Variants in WDR70 observed in about 807,000 individuals in gnomAD.
WDR70 encodes WD repeat-containing protein 70.
Under a neutral mutation model 88.6 loss-of-function variants are expected in WDR70, and 53 were observed. That is an observed-to-expected ratio of 0.60 (90% CI 0.48 to 0.75). The LOEUF (loss-of-function observed/expected upper bound fraction) is 0.75. Ranked by LOEUF, WDR70 falls within the 30% of genes least tolerant of loss-of-function variation. WDR70 has a pLI of 0.00. For synonymous variants in WDR70, 280 were observed against 270.0 expected, an observed-to-expected ratio of 1.04 and a Z score of -0.36; for missense variants, 610 against 823.2, an observed-to-expected ratio of 0.74 and a Z score of 3.17.
intron 17 of WDR70, among the ~76,000 whole-genome samples, chr5:37,734,656 G>A (rs185896802): frequency 4.6e-5 from 7 of 152,168 alleles, no homozygotes; most frequent in Middle Eastern, 3.4e-3. Context: ...GAGAAAAGGC[G>A]CTATTTTAGA....
intron 9 of WDR70, among the ~76,000 whole-genome samples, chr5:37,597,313 A>G (rs1471923688): frequency 6.6e-6 from 1 of 152,180 alleles, no homozygotes; most frequent in African/African-American, 2.4e-5. Context: ...CCCACAATCA[A>G]TGTATGCACA....
Position 37,722,764 on chromosome 5 carries a change from G to T in WDR70, c.1518-91G>T. ...TGTGTAGATGGAGTGCATGCACAGA[G>T]TATGTTCCTGAAAGTATCTCATGTT... On this transcript the variant is annotated intron_variant, in intron 14 of 17. Transcript: ENST00000265107. 2.5e-6 allele frequency: 3 copies of T among 1,183,346 alleles called. No individual in the cohort carries two copies. The East Asian group carries it at 7.5e-5, about 30-fold the overall frequency. The allele number at this position is 1,183,346 out of a possible 1,614,324, so 73.3% of individuals were successfully genotyped here.
At chr5:37,746,949 G>A (rs1384263400) in intron 17 of WDR70, among the ~76,000 whole-genome samples, 1 of 152,078 alleles carries the variant, frequency 6.6e-6, no homozygotes, top group Admixed American at 6.6e-5. Context: ...ACCAAAACCA[G>A]GAAGAGAAAC....
chr5:37,470,582 A>G (rs745538646), intron 7 of WDR70, among the ~76,000 whole-genome samples: 106 of 152,184 alleles, frequency 7.0e-4, no homozygotes, highest in Admixed American at 4.3e-3. Context: ...TAAATACAGC[A>G]TATATTGTTT....
chr5:37,622,378 C>G (rs1744531731), intron 10 of WDR70, among the ~76,000 whole-genome samples: 1 of 151,630 alleles, frequency 6.6e-6, no homozygotes, highest in African/African-American at 2.4e-5. Flanking sequence ...TTGACCCAGC[C>G]ATCCCATTAC....
rs550543306 is a variant in WDR70, at chr5:37,656,745, G to A, written c.1093-40910G>A. 5.3e-5 allele frequency among the ~76,000 whole-genome samples: 8 copies of A among 152,314 alleles called. 1 individual carries two copies. In the South Asian group the frequency reaches 1.7e-3, roughly 32 times the overall value. On this transcript the variant is annotated intron_variant, in intron 10 of 17. Coordinates refer to ENST00000265107, the MANE Select transcript of WDR70 (RefSeq NM_018034.4). ...ACTTCCCAGTGGCTTTGTTAAAACTGTGAGGGGAAAACCGCCTCCTCAAGC... is the reference window on the plus strand; with the variant it reads ...ACTTCCCAGTGGCTTTGTTAAAACTATGAGGGGAAAACCGCCTCCTCAAGC...
At chr5:37,515,373 C>T (rs1740855204) in intron 8 of WDR70, among the ~76,000 whole-genome samples, 1 of 152,158 alleles carries the variant, frequency 6.6e-6, no homozygotes, top group Non-Finnish European at 1.5e-5. Context: ...GTTCGAGATG[C>T]CTATGATATG....
chr5:37,472,995 A>G (rs539493045), intron 7 of WDR70, among the ~76,000 whole-genome samples: 9 of 152,058 alleles, frequency 5.9e-5, no homozygotes, highest in African/African-American at 2.2e-4. Context: ...CTTACACTTT[A>G]CCAGTTGTGT....
chr5:37,564,513 C>T (rs1230494167), intron 9 of WDR70, among the ~76,000 whole-genome samples: 1 of 145,128 alleles, frequency 6.9e-6, no homozygotes, highest in African/African-American at 2.5e-5. Context: ...AGGGGGAGAC[C>T]GTGGAAAGAG....
chr5:37,440,103 T>C (rs2112044934), intron 6 of WDR70, among the ~76,000 whole-genome samples: 1 of 152,346 alleles, frequency 6.6e-6, no homozygotes, highest in African/African-American at 2.4e-5. Context: ...TGATGTCTGA[T>C]GTACTCTTAG....
intron 8 of WDR70, among the ~76,000 whole-genome samples, chr5:37,513,270 G>A (rs989088551): frequency 2.0e-5 from 3 of 152,166 alleles, no homozygotes; most frequent in Admixed American, 1.3e-4. Flanking sequence ...AGAGGACCAG[G>A]GAATACTTAT....
chr5:37,386,807 C>T (rs2111864131), intron 3 of WDR70, among the ~76,000 whole-genome samples: 1 of 152,040 alleles, frequency 6.6e-6, no homozygotes, highest in Middle Eastern at 3.4e-3. Flanking sequence ...TTTAAAATGG[C>T]ACAATCTGGG....
At chr5:37,622,515 A>G (rs1441254862) in intron 10 of WDR70, among the ~76,000 whole-genome samples, 4 of 152,108 alleles carry the variant, frequency 2.6e-5, no homozygotes, top group Non-Finnish European at 2.9e-5. Context: ...ATGATAGACT[A>G]GATTAAGAAA....
In WDR70 at chr5:37,382,560, C is replaced by T. The variant is rs546995906; in HGVS notation, c.175+875C>T. 4.7e-5 allele frequency among the ~76,000 whole-genome samples: 7 copies of T among 149,806 alleles called. No homozygotes were observed. The South Asian group carries it at 6.4e-4, about 14-fold the overall frequency. ...CCAGGTAGCTGGGACTACAGGTGTA[C>T]GCCACCACGCCCAGCTAATTTTTGT... On this transcript the variant is annotated intron_variant, in intron 3 of 17. Coordinates refer to ENST00000265107, the MANE Select transcript of WDR70 (RefSeq NM_018034.4).
intron 9 of WDR70, among the ~76,000 whole-genome samples, chr5:37,521,778 T>C (rs1581361828): frequency 6.6e-6 from 1 of 152,086 alleles, no homozygotes; most frequent in Middle Eastern, 3.4e-3. Context: ...TTGATGGGCA[T>C]TTGGGCTGGT....
chr5:37,674,602 T>C (rs564095244), intron 10 of WDR70, among the ~76,000 whole-genome samples: 33 of 152,312 alleles, frequency 2.2e-4, no homozygotes, highest in African/African-American at 7.7e-4. Context: ...ATGGTGTATA[T>C]GTGCCACATT....
rs1744998272 is a variant in WDR70, at chr5:37,637,336, AAATT to A, written c.1092+32101_1092+32104del. Among the ~76,000 whole-genome samples, 4 of 112,618 alleles carry A rather than the reference AAATT, an allele frequency of 3.6e-5. No individual in the cohort carries two copies. In the South Asian group the frequency reaches 1.2e-3, roughly 33 times the overall value. 73.9% of individuals were successfully genotyped at this position (112,618 alleles called of 152,430 possible). On this transcript the variant is annotated intron_variant, in intron 10 of 17. Transcript: ENST00000265107. ...CGAGACTCTGTCTCAAAAAATAAAT[AAATT>A]AAATAAATAAATAAATAAATAAATA...
At chr5:37,438,199 C>CT (rs1750537657) in intron 6 of WDR70, among the ~76,000 whole-genome samples, 1 of 152,028 alleles carries the variant, frequency 6.6e-6, no homozygotes, top group African/African-American at 2.4e-5. Flanking sequence ...TTATTGTTGG[C>CT]TTTAAAAATC....
At chr5:37,408,198 G>A (rs1332697445) in intron 5 of WDR70, among the ~76,000 whole-genome samples, 8 of 151,830 alleles carry the variant, frequency 5.3e-5, no homozygotes, top group African/African-American at 1.2e-4. Context: ...AAGGTCAAGC[G>A]CAGTGGCTCA....
Sources: allele counts gnomAD v4.1 joint callset (sites outside exome capture counted in the v4.1 genomes callset), GRCh38; gene constraint gnomAD v4.1.1; transcripts MANE v1.5; gene names NCBI Gene and HGNC (gene_info 2026-07-23, HGNC 2026-07-21).